ASXL3: variants seen among roughly 807,000 people sequenced by gnomAD.
The protein encoded by ASXL3 is putative Polycomb group protein ASXL3.
In ASXL3, 34 loss-of-function variants were observed where a neutral mutation model predicts 170.6. The observed-to-expected ratio is 0.20, with a 90% CI of 0.15 to 0.27. The LOEUF (loss-of-function observed/expected upper bound fraction) is 0.27. ASXL3 is among the 10% of genes least tolerant of loss of function. The probability of loss-of-function intolerance (pLI) is 1.00; values close to 1 mark genes in which losing one functional copy is unlikely to be tolerated. For synonymous variants in ASXL3, 1,002 were observed against 989.1 expected, an observed-to-expected ratio of 1.01 and a Z score of -0.24; for missense variants, 2,592 against 2,695.3, an observed-to-expected ratio of 0.96 and a Z score of 0.85.
intron 9 of ASXL3, among the ~76,000 whole-genome samples, chr18:33,733,301 C>T (rs2067483139): frequency 6.6e-6 from 1 of 152,136 alleles, no homozygotes; most frequent in Non-Finnish European, 1.5e-5. Context: ...ATATTAAATT[C>T]ACGAGCTTCT....
At chr18:33,668,855 CT>C (rs1333210541) in intron 5 of ASXL3, among the ~76,000 whole-genome samples, 3 of 151,878 alleles carry the variant, frequency 2.0e-5, no homozygotes, top group Admixed American at 6.6e-5. Context: ...ATTAGTTCAT[CT>C]TTTTTTCCCT....
chr18:33,618,684 C>T (rs1325818465), intron 2 of ASXL3, among the ~76,000 whole-genome samples: 1 of 151,968 alleles, frequency 6.6e-6, no homozygotes, highest in African/African-American at 2.4e-5. Context: ...ACCATTTCTG[C>T]CTTTGAGTAT....
intron 2 of ASXL3, among the ~76,000 whole-genome samples, chr18:33,622,952 T>A (rs2065538293): frequency 6.6e-6 from 1 of 152,146 alleles, no homozygotes; most frequent in African/African-American, 2.4e-5. Flanking sequence ...TTTCATTAAA[T>A]CCCATGTGTG....
Position 33,661,719 on chromosome 18 carries a change from CA to C in ASXL3, c.464del (p.Lys155ArgfsTer7). On this transcript the variant is annotated frameshift_variant, in exon 5 of 12. Coordinates refer to ENST00000269197, the MANE Select transcript of ASXL3 (RefSeq NM_030632.3). LOFTEE classifies it high-confidence loss of function. Reference sequence around the variant, plus strand: ...TAGTGTCTTCCTTCCAGCAGCACACCAAAAAGGCTCTTAAACAGGTAAGATA... The same window carrying C: ...TAGTGTCTTCCTTCCAGCAGCACACCAAAAGGCTCTTAAACAGGTAAGATA... ...KLVSSFQQHT[K>X]KALKQALRQQ... The C allele has an allele frequency of 1.2e-6, 2 of 1,612,190 alleles. No individual in the cohort carries two copies. Among genetic ancestry groups the C allele is most frequent in the Non-Finnish European group, 1.7e-6 (2 of 1,179,164 alleles).
chr18:33,684,215 A>G lies in ASXL3; in HGVS notation c.879+647A>G, dbSNP rs528823871. On this transcript the variant is annotated intron_variant, in intron 8 of 11. Coordinates refer to ENST00000269197, the MANE Select transcript of ASXL3 (RefSeq NM_030632.3). ...AAAAAATTTTATCACATAAACTTTTATTAAATTTCACAAAATTTATTAAGT... is the reference window on the plus strand; with the variant it reads ...AAAAAATTTTATCACATAAACTTTTGTTAAATTTCACAAAATTTATTAAGT... 5.9e-5 allele frequency among the ~76,000 whole-genome samples: 9 copies of G among 152,312 alleles called. No individual in the cohort carries two copies. The East Asian group carries it at 1.7e-3, about 29-fold the overall frequency.
At chr18:33,658,830 T>C (rs982865650) in intron 4 of ASXL3, among the ~76,000 whole-genome samples, 4 of 151,988 alleles carry the variant, frequency 2.6e-5, no homozygotes, top group East Asian at 1.9e-4. Context: ...GCAAATAAAG[T>C]TGGGTTAAGG....
At chr18:33,741,840 A>G (rs1157076883) in intron 11 of ASXL3, among the ~76,000 whole-genome samples, 1 of 152,184 alleles carries the variant, frequency 6.6e-6, no homozygotes, top group Non-Finnish European at 1.5e-5. Flanking sequence ...AGTTTCCTCA[A>G]CTGTGAAATG....
intron 2 of ASXL3, among the ~76,000 whole-genome samples, chr18:33,616,954 A>G (rs1375474456): frequency 6.6e-6 from 1 of 152,186 alleles, no homozygotes; most frequent in Admixed American, 6.5e-5. Flanking sequence ...TTAAGGTTTC[A>G]ATGTATGAAT....
chr18:33,740,241 C>G lies in ASXL3; in HGVS notation c.2837C>G (p.Ser946Cys), dbSNP rs1411695944. 1 of 1,613,522 alleles carries G rather than the reference C, an allele frequency of 6.2e-7. No homozygotes were observed. The highest frequency in any genetic ancestry group is 8.5e-7 in the Non-Finnish European group (1 of 1,179,772). ...TSHTSKSSEPSKSPDGIRNES... is the reference protein window; with the variant it reads ...TSHTSKSSEPCKSPDGIRNES... ...CATACTTCCAAGTCATCAGAGCCCT[C>G]CAAGTCACCTGATGGGATAAGAAAT... The change falls in exon 11 of 12, where the codon TCC (serine) becomes TGC (cysteine). Residue 946 changes from serine (S) to cysteine (C), a missense_variant. Physicochemically the swap from Ser to Cys is moderately radical, Grantham distance 112. Around this residue, in one of 4 missense-constraint regions of ASXL3, gnomAD observed 2,246 missense variants for 2,219.6 expected, o/e 1.01. Transcript: ENST00000269197.
At chr18:33,673,994 A>G (rs2066387974) in intron 7 of ASXL3, among the ~76,000 whole-genome samples, 1 of 152,234 alleles carries the variant, frequency 6.6e-6, no homozygotes, top group African/African-American at 2.4e-5. Context: ...CTGGCCATAT[A>G]TAATGGAATG....
chr18:33,735,778 T>C (rs1208128986), intron 10 of ASXL3, among the ~76,000 whole-genome samples: 1 of 152,006 alleles, frequency 6.6e-6, no homozygotes, highest in Non-Finnish European at 1.5e-5. Flanking sequence ...CTTAATTTTT[T>C]AGTGATAGAC....
In ASXL3 at chr18:33,745,913, C is replaced by CA; in HGVS notation, c.6065_6066insA (p.Pro2023SerfsTer25). 6.3e-7 allele frequency: 1 copy of CA among 1,579,038 alleles called. No individual in the cohort carries two copies. Among genetic ancestry groups the CA allele is most frequent in the Admixed American group, 1.8e-5 (1 of 56,224 alleles). On this transcript the variant is annotated frameshift_variant, in exon 12 of 12. Coordinates refer to ENST00000269197, the MANE Select transcript of ASXL3 (RefSeq NM_030632.3). LOFTEE classifies it high-confidence loss of function. The stretch of plus-strand genomic sequence containing the variant: ...CTAGTACATCCGCCGCCGCCACCGC[C>CA]TCCCCCTCCCCCTCCACCCTTGGCT...
intron 1 of ASXL3, 28 bp from the exon 2 acceptor site, chr18:33,607,566 A>C: frequency 6.6e-7 from 1 of 1,504,952 alleles, no homozygotes; most frequent in Non-Finnish European, 9.1e-7. Context: ...CCATGCAATA[A>C]TCTAGGAATC....
At chr18:33,688,065 G>T (rs2066626185) in intron 8 of ASXL3, among the ~76,000 whole-genome samples, 2 of 152,154 alleles carry the variant, frequency 1.3e-5, no homozygotes, top group Admixed American at 1.3e-4. Flanking sequence ...AGTGCATGGG[G>T]AGAATACTGG....
In ASXL3 at chr18:33,751,185, TA is replaced by T. The variant is rs1354413046; in HGVS notation, c.*4593del. ...GATATTCTGGAGAAAATAAAGAAAT[TA>T]AACATGAAATAATTGTCATTTTTAA... On this transcript the variant is annotated 3_prime_UTR_variant, in exon 12 of 12. Transcript: ENST00000269197. 6.6e-6 allele frequency: 1 copy of T among 152,160 alleles called. No homozygotes were observed. The highest frequency in any genetic ancestry group is 1.5e-5 in the Non-Finnish European group (1 of 68,008). 9.4% of individuals were successfully genotyped at this position (152,160 alleles called of 1,614,324 possible). A position where few individuals can be genotyped will look rare whatever the true frequency, so the allele number is the denominator to read the frequency against.
chr18:33,611,341 A>G (rs971789672), intron 2 of ASXL3, among the ~76,000 whole-genome samples: 1 of 152,078 alleles, frequency 6.6e-6, no homozygotes, highest in Non-Finnish European at 1.5e-5. Flanking sequence ...ATGATTTTTT[A>G]AGATCTGGTT....
intron 1 of ASXL3, among the ~76,000 whole-genome samples, chr18:33,581,834 T>C (rs1201759613): frequency 6.6e-6 from 1 of 152,206 alleles, no homozygotes; most frequent in African/African-American, 2.4e-5. Context: ...GCTTAGTGTA[T>C]GAAAGAAGGA....
chr18:33,740,946 A>G (rs1478537219), intron 11 of ASXL3, among the ~76,000 whole-genome samples: 2 of 152,170 alleles, frequency 1.3e-5, no homozygotes, highest in East Asian at 3.9e-4. Flanking sequence ...TTGGTCTAGA[A>G]TTATAAACAT....
chr18:33,670,907 G>T (rs1281282727), intron 6 of ASXL3, 117 bp downstream of exon 6: 5 of 619,958 alleles, frequency 8.1e-6, no homozygotes, highest in Non-Finnish European at 1.0e-5. Context: ...TTGAGGTTTG[G>T]TTTAATTTCT....
Sources: gnomAD v4.1 joint callset for allele counts (sites outside exome capture counted in the v4.1 genomes callset) on GRCh38, gnomAD v4.1.1 for gene constraint, gnomAD v4.1.1 regional missense constraint, MANE v1.5 for transcripts, NCBI Gene and HGNC (gene_info 2026-07-23, HGNC 2026-07-21) for gene names.